Variants in MAPRE3 observed in about 807,000 individuals in gnomAD.
MAPRE3 encodes the protein microtubule associated protein RP/EB family member 3.
A neutral mutation model predicts 30.5 loss-of-function variants in MAPRE3; 2 were observed. That is an observed-to-expected ratio of 0.07 (90% CI 0.03 to 0.21). MAPRE3 has a LOEUF of 0.21. MAPRE3 is among the 10% of genes least tolerant of loss of function. The probability of loss-of-function intolerance (pLI) is 1.00; values close to 1 mark genes in which losing one functional copy is unlikely to be tolerated. For synonymous variants in MAPRE3, 110 were observed against 127.7 expected (o/e 0.86, Z 0.93); for missense variants, 204 against 351.8 (o/e 0.58, Z 3.36).
chr2:26,988,104 C>A (rs1159890836), intron 1 of MAPRE3, among the ~76,000 whole-genome samples: 1 of 152,200 alleles, frequency 6.6e-6, no homozygotes, highest in Non-Finnish European at 1.5e-5. Flanking sequence ...CTGCTGGAGG[C>A]CAGGTTCTAA....
chr2:27,019,595 G>A (rs949067520), intron 1 of MAPRE3, among the ~76,000 whole-genome samples: 1 of 152,224 alleles, frequency 6.6e-6, no homozygotes. Context: ...GCGCAGAGAC[G>A]TTGTGGAGGA....
rs1236443644 is a variant in MAPRE3 at position 27,015,463 on chromosome 2, G to A, written c.-7-6749G>A. 6.6e-6 allele frequency among the ~76,000 whole-genome samples: 1 copy of A among 152,108 alleles called. No homozygotes were observed. Among genetic ancestry groups the A allele is most frequent in the African/African-American group, 2.4e-5 (1 of 41,416 alleles). On this transcript the variant is annotated intron_variant, in intron 1 of 6. Coordinates refer to ENST00000233121, the MANE Select transcript of MAPRE3 (RefSeq NM_012326.4). This position sits in a 1 kb window ranked among gnomAD's most constrained non-coding sequence, Gnocchi z 4.0. ...AGTGTTCTTAAGCACTACCTTTCTG[G>A]AGCTTGCTGGAGGCATGCTGGCCAC...
intron 1 of MAPRE3, among the ~76,000 whole-genome samples, chr2:27,020,778 G>A (rs1271639332): frequency 6.6e-6 from 1 of 152,202 alleles, no homozygotes; most frequent in African/African-American, 2.4e-5. Flanking sequence ...GACTTGAAGT[G>A]GGGGAGGGCG....
rs77935004 is a variant in MAPRE3, at chr2:26,976,662, G to A, written c.-8+5860G>A. ...GCTCTGGATGCTTCATTTGCCTCAA[G>A]TAAATAAGGACTTGTCCTATCTAAA... On this transcript the variant is annotated intron_variant, in intron 1 of 6. Transcript: ENST00000233121. Among the ~76,000 whole-genome samples the A allele has an allele frequency of 5.9e-4, 90 of 152,288 alleles. 1 individual carries two copies. In the East Asian group the frequency reaches 0.016, roughly 27 times the overall value.
chr2:26,973,174 G>A (rs746187721), intron 1 of MAPRE3, among the ~76,000 whole-genome samples: 1 of 152,106 alleles, frequency 6.6e-6, no homozygotes, highest in Admixed American at 6.5e-5. Context: ...TAAAACCCTC[G>A]GGAAATGGCA....
intron 1 of MAPRE3, among the ~76,000 whole-genome samples, chr2:26,971,448 G>C (rs1445359890): frequency 2.0e-5 from 3 of 152,300 alleles, no homozygotes; most frequent in Admixed American, 6.5e-5. Flanking sequence ...TAATGAACGC[G>C]GCTAGTGCCT....
chr2:27,026,147 G>C, intron 6 of MAPRE3, 115 bp downstream of exon 6: 1 of 1,439,218 alleles, frequency 6.9e-7, no homozygotes, highest in Non-Finnish European at 9.6e-7. Context: ...GAGAGGTGAA[G>C]TCACTAGCCC....
rs558273183 is a variant in MAPRE3 at position 26,988,361 on chromosome 2, C to T, written c.-8+17559C>T. Among the ~76,000 whole-genome samples, 14 of 152,312 alleles carry T rather than the reference C, an allele frequency of 9.2e-5. No individual in the cohort carries two copies. The East Asian group carries it at 1.3e-3, about 15-fold the overall frequency. On this transcript the variant is annotated intron_variant, in intron 1 of 6. Coordinates refer to ENST00000233121, the MANE Select transcript of MAPRE3 (RefSeq NM_012326.4). ...ATCAGAGCATCAAGAACACTGCATA[C>T]ATTTAGCTGCTTTTAAAAATGTTGG... is the stretch of plus-strand genomic sequence containing the variant.
At chr2:27,001,846 C>T (rs141775510) in intron 1 of MAPRE3, among the ~76,000 whole-genome samples, 162 of 152,330 alleles carry the variant, frequency 1.1e-3, no homozygotes, top group African/African-American at 3.7e-3. Context: ...CCCCCGGCTT[C>T]ATGGACTGTA....
intron 1 of MAPRE3, among the ~76,000 whole-genome samples, chr2:26,971,757 T>C (rs945107294): frequency 2.6e-5 from 4 of 152,100 alleles, no homozygotes; most frequent in Admixed American, 1.3e-4. Flanking sequence ...TTCCTGTAAA[T>C]TAACTAATTG....
At chr2:27,010,563 C>T (rs1666831606) in intron 1 of MAPRE3, among the ~76,000 whole-genome samples, 1 of 151,790 alleles carries the variant, frequency 6.6e-6, no homozygotes, top group Non-Finnish European at 1.5e-5. Context: ...CTATCTCAGC[C>T]TCCCAAGAAG....
chr2:27,023,522 T>C (rs1198040090), intron 3 of MAPRE3, 45 bp downstream of exon 3: 1 of 1,610,708 alleles, frequency 6.2e-7, no homozygotes. Context: ...AGTGTGACCC[T>C]GGGGAAGAAG....
intron 1 of MAPRE3, among the ~76,000 whole-genome samples, chr2:26,987,183 A>C (rs1311077191): frequency 6.6e-6 from 1 of 152,136 alleles, no homozygotes; most frequent in Admixed American, 6.5e-5. Flanking sequence ...AAAAATAAAA[A>C]ATTTCCTCCT....
rs1421028667 is a variant in MAPRE3, at chr2:27,024,275, C to T, written c.447C>T (p.Ser149=). 1 of 1,614,036 alleles carries T rather than the reference C, an allele frequency of 6.2e-7. No homozygotes were observed. The highest frequency in any genetic ancestry group is 1.7e-5 in the Admixed American group (1 of 60,018). The part of the protein sequence containing the change: ...PNPGDQIFNK[S]KKLIGTAVPQ... ...CAGGTGATCAGATCTTCAACAAATC[C>T]AAGAAACTCATTGGCACAGCAGGTA... Residue 149 remains serine (S), a synonymous_variant, in exon 4 of 7, where the codon TCC becomes TCT. Transcript: ENST00000233121.
At chr2:27,008,324 G>T (rs534235533) in intron 1 of MAPRE3, among the ~76,000 whole-genome samples, 1 of 152,100 alleles carries the variant, frequency 6.6e-6, no homozygotes, top group African/African-American at 2.4e-5. Context: ...GCACAGTGGC[G>T]CATGCCTGTA....
chr2:26,995,860 C>A (rs1407137338), intron 1 of MAPRE3, among the ~76,000 whole-genome samples: 1 of 129,356 alleles, frequency 7.7e-6, no homozygotes, highest in South Asian at 2.6e-4. Context: ...AAGCTCCCCA[C>A]AAGATACTAA....
intron 2 of MAPRE3, among the ~76,000 whole-genome samples, 178 bp from the exon 3 acceptor site, chr2:27,023,154 T>C (rs114153230): frequency 0.024 from 3,589 of 152,304 alleles, 167 homozygotes; most frequent in African/African-American, 0.083. Flanking sequence ...CAATAAATAG[T>C]CATTGCTTTT....
At position 27,022,925 on chromosome 2, in the gene MAPRE3, G is replaced by A. The variant is rs116589938; in HGVS notation, c.122-407G>A. On this transcript the variant is annotated intron_variant, in intron 2 of 6. Coordinates refer to ENST00000233121, the MANE Select transcript of MAPRE3 (RefSeq NM_012326.4). ...AGGGAAAGGAGGAGCGGGGAGCTGA[G>A]AGCCAGGATGGCAGCAGAGCCACAG... The A allele has an allele frequency of 3.1e-3, 529 of 169,330 alleles. 1 individual carries two copies. The highest frequency in any genetic ancestry group is 0.012 in the African/African-American group (505 of 41,876). The allele number at this position is 169,330 out of a possible 1,614,324, so 10.5% of individuals were successfully genotyped here. A position where few individuals can be genotyped will look rare whatever the true frequency, so the allele number is the denominator to read the frequency against.
chr2:27,002,059 G>T (rs1235658586), intron 1 of MAPRE3: 1 of 152,294 alleles, frequency 6.6e-6, no homozygotes, highest in African/African-American at 2.4e-5. Context: ...TTGCTTTACG[G>T]TCTCAAGGTG....
Sources: allele counts gnomAD v4.1 joint callset (sites outside exome capture counted in the v4.1 genomes callset), GRCh38; gene constraint gnomAD v4.1.1; non-coding constraint Gnocchi (gnomAD v3.1); transcripts MANE v1.5; gene names NCBI Gene and HGNC (gene_info 2026-07-23, HGNC 2026-07-21).